The following ZDHHC14 variants were observed in gnomAD, a reference collection of about 807,000 sequenced individuals.
ZDHHC14 encodes the protein zDHHC palmitoyltransferase 14.
Under a neutral mutation model 47.7 loss-of-function variants are expected in ZDHHC14, and 16 were observed. That is an observed-to-expected ratio of 0.34 (90% CI 0.23 to 0.51). The LOEUF is 0.51. Ranked by LOEUF, ZDHHC14 falls within the 20% of genes least tolerant of loss-of-function variation. The pLI is 0.97. For synonymous variants in ZDHHC14, 293 were observed against 278.9 expected (o/e 1.05, Z -0.50); for missense variants, 515 against 662.5 (o/e 0.78, Z 2.44).
intron 1 of ZDHHC14, among the ~76,000 whole-genome samples, chr6:157,417,751 C>G (rs993121777): frequency 6.6e-6 from 1 of 152,094 alleles, no homozygotes; most frequent in East Asian, 1.9e-4. Flanking sequence ...GAGGCCGAGG[C>G]GGGCGGATCA....
At chr6:157,453,959 A>T (rs1778859964) in intron 1 of ZDHHC14, among the ~76,000 whole-genome samples, 1 of 152,186 alleles carries the variant, frequency 6.6e-6, no homozygotes, top group South Asian at 2.1e-4. Flanking sequence ...TTTATCTTGA[A>T]GCCTTTAGGT....
chr6:157,660,948 G>A (rs897193859), intron 8 of ZDHHC14, among the ~76,000 whole-genome samples: 1 of 152,226 alleles, frequency 6.6e-6, no homozygotes, highest in Non-Finnish European at 1.5e-5. Flanking sequence ...GTGCTAGAAT[G>A]TGACAGACTG....
intron 2 of ZDHHC14, among the ~76,000 whole-genome samples, chr6:157,559,994 G>A (rs9505871): frequency 0.3 from 45,093 of 152,028 alleles, 6,975 homozygotes; most frequent in South Asian, 0.37. Context: ...TGTAAAGGAA[G>A]TAGAAGCAAT....
chr6:157,494,973 ATG>A (rs1780020177), intron 1 of ZDHHC14, among the ~76,000 whole-genome samples: 1 of 152,140 alleles, frequency 6.6e-6, no homozygotes, highest in African/African-American at 2.4e-5. Context: ...CCTAGAAATC[ATG>A]TAGCTTAGAT....
intron 5 of ZDHHC14, among the ~76,000 whole-genome samples, chr6:157,644,189 C>A (rs1268712462): frequency 6.6e-6 from 1 of 152,202 alleles, no homozygotes; most frequent in Non-Finnish European, 1.5e-5. Context: ...CCAGCCAGTG[C>A]ATGGCCTGAA....
chr6:157,407,773 T>C (rs1462776757), intron 1 of ZDHHC14, among the ~76,000 whole-genome samples: 2 of 152,208 alleles, frequency 1.3e-5, no homozygotes, highest in Non-Finnish European at 2.9e-5. Flanking sequence ...ACACTTCTTG[T>C]TGGCCTGTCC....
chr6:157,524,349 G>T (rs903993839), intron 1 of ZDHHC14, among the ~76,000 whole-genome samples: 8 of 151,936 alleles, frequency 5.3e-5, no homozygotes, highest in African/African-American at 1.9e-4. Flanking sequence ...AGCCAGGCTG[G>T]TCTCGAACTC....
chr6:157,547,096 G>A (rs1369146153), intron 2 of ZDHHC14, among the ~76,000 whole-genome samples: 1 of 152,206 alleles, frequency 6.6e-6, no homozygotes, highest in African/African-American at 2.4e-5. Flanking sequence ...AGAATCTGAA[G>A]ACCGATTACC....
intron 1 of ZDHHC14, among the ~76,000 whole-genome samples, chr6:157,538,239 G>C (rs1001149992): frequency 2.6e-5 from 4 of 152,176 alleles, no homozygotes; most frequent in African/African-American, 9.7e-5. Context: ...GGTCTTAGAG[G>C]TTCCAGCAAA....
At chr6:157,660,959 T>C (rs994179170) in intron 8 of ZDHHC14, among the ~76,000 whole-genome samples, 1 of 152,078 alleles carries the variant, frequency 6.6e-6, no homozygotes, top group African/African-American at 2.4e-5. Flanking sequence ...TGACAGACTG[T>C]TGGGGGAGGG....
chr6:157,411,339 G>C (rs975984319), intron 1 of ZDHHC14, among the ~76,000 whole-genome samples: 9 of 152,196 alleles, frequency 5.9e-5, no homozygotes, highest in African/African-American at 2.2e-4. Flanking sequence ...AGTGGGGGTT[G>C]GGGGCTGTAA....
At chr6:157,486,011 C>A (rs749301772) in intron 1 of ZDHHC14, among the ~76,000 whole-genome samples, 1 of 152,198 alleles carries the variant, frequency 6.6e-6, no homozygotes, top group Non-Finnish European at 1.5e-5. Context: ...AAACTCGGTG[C>A]CCCCTCAAAA....
In ZDHHC14 at chr6:157,675,728, G is replaced by A. The variant is rs965404353; in HGVS notation, c.*2606G>A. 3.3e-5 allele frequency: 5 copies of A among 152,168 alleles called. No individual in the cohort carries two copies. Among genetic ancestry groups the A allele is most frequent in the African/African-American group, 7.2e-5 (3 of 41,436 alleles). 9.4% of individuals were successfully genotyped at this position (152,168 alleles called of 1,614,324 possible). On this transcript the variant is annotated 3_prime_UTR_variant, in exon 9 of 9. Transcript: ENST00000359775. ...GAGGTGATGGCTCTGCATTTCCCAC[G>A]AACATATATGTGACATGTACATAAA...
intron 1 of ZDHHC14, among the ~76,000 whole-genome samples, chr6:157,494,823 G>A (rs17165371): frequency 0.047 from 7,097 of 152,182 alleles, 563 homozygotes; most frequent in African/African-American, 0.16. Context: ...TTCCAAATCC[G>A]TTTCATATCC....
At chr6:157,542,448 A>C in intron 1 of ZDHHC14, 137 bp from the exon 2 acceptor site, 8 of 1,273,302 alleles carry the variant, frequency 6.3e-6, no homozygotes, top group Non-Finnish European at 8.6e-6. Flanking sequence ...ACATAGATGA[A>C]TTTTTAATGG....
chr6:157,546,721 T>C (rs1423971061), intron 2 of ZDHHC14, among the ~76,000 whole-genome samples: 1 of 152,198 alleles, frequency 6.6e-6, no homozygotes, highest in Non-Finnish European at 1.5e-5. Flanking sequence ...GCAACTGATT[T>C]GGGGTTAGAA....
Position 157,615,807 on chromosome 6 carries a change from GTTTT to G in ZDHHC14, c.566-12541_566-12538del, listed in dbSNP as rs1165891459. Among the ~76,000 whole-genome samples, 16 of 152,114 alleles carry G rather than the reference GTTTT, an allele frequency of 1.1e-4. No individual in the cohort carries two copies. The East Asian group carries it at 2.5e-3, about 24-fold the overall frequency. Reference sequence around the variant, plus strand: ...CTGCATTTTTGTTTTGTTTTGTTTTGTTTTGTTTTGGTTGTTATAAGCAGTGATC... The same window carrying G: ...CTGCATTTTTGTTTTGTTTTGTTTTGGTTTTGGTTGTTATAAGCAGTGATC... On this transcript the variant is annotated intron_variant, in intron 3 of 8. Coordinates refer to ENST00000359775, the MANE Select transcript of ZDHHC14 (RefSeq NM_024630.3).
chr6:157,607,410 A>AAACC (rs1342892661), intron 3 of ZDHHC14, among the ~76,000 whole-genome samples: 3 of 152,176 alleles, frequency 2.0e-5, no homozygotes, highest in Admixed American at 2.0e-4. Flanking sequence ...ACAAACAAAC[A>AAACC]AACCAACTAC....
At chr6:157,490,912 T>A (rs1779897974) in intron 1 of ZDHHC14, among the ~76,000 whole-genome samples, 1 of 152,058 alleles carries the variant, frequency 6.6e-6, no homozygotes, top group Non-Finnish European at 1.5e-5. Context: ...ATTAAAATAA[T>A]GTTGCAAGAT....
Sources: allele counts gnomAD v4.1 joint callset (sites outside exome capture counted in the v4.1 genomes callset), GRCh38; gene constraint gnomAD v4.1.1; transcripts MANE v1.5; gene names NCBI Gene and HGNC (gene_info 2026-07-23, HGNC 2026-07-21).